DCLK1: variants seen among roughly 807,000 people sequenced by gnomAD.
The protein encoded by DCLK1 is doublecortin like kinase 1.
A neutral mutation model predicts 86.2 loss-of-function variants in DCLK1; 16 were observed. The ratio of observed to expected loss-of-function variants is 0.19; its 90% CI spans 0.13 to 0.28. The LOEUF is 0.28. Among genes scored for constraint, DCLK1 ranks in the 10% least tolerant of loss-of-function variants. The pLI is 1.00. For missense variants in DCLK1, 590 were observed against 940.2 expected, an observed-to-expected ratio of 0.63 and a Z score of 4.87; for synonymous variants, 369 against 370.5, an observed-to-expected ratio of 1.00 and a Z score of 0.05.
chr13:36,016,548 A>G (rs748799887), intron 3 of DCLK1, among the ~76,000 whole-genome samples: 4 of 152,134 alleles, frequency 2.6e-5, no homozygotes, highest in Non-Finnish European at 5.9e-5. Flanking sequence ...ATTACCAAAC[A>G]GTCACTTTCT....
intron 4 of DCLK1, among the ~76,000 whole-genome samples, chr13:35,937,481 G>C (rs977491850): frequency 6.6e-6 from 1 of 152,186 alleles, no homozygotes; most frequent in African/African-American, 2.4e-5. Flanking sequence ...TTGTCCTGCA[G>C]AGTAGGGGAC....
intron 3 of DCLK1, among the ~76,000 whole-genome samples, chr13:35,988,154 G>A (rs1347256593): frequency 6.6e-6 from 1 of 152,236 alleles, no homozygotes; most frequent in African/African-American, 2.4e-5. Context: ...CTGAGTGGCT[G>A]GAGTGCCACT....
intron 4 of DCLK1, among the ~76,000 whole-genome samples, chr13:35,912,026 C>T (rs1268285183): frequency 2.6e-5 from 4 of 152,116 alleles, no homozygotes; most frequent in African/African-American, 7.2e-5. Flanking sequence ...TACCTTCCTT[C>T]GGGGTGGCTG....
chr13:35,820,291 G>A (rs190054190), intron 11 of DCLK1, among the ~76,000 whole-genome samples: 7 of 152,186 alleles, frequency 4.6e-5, no homozygotes, highest in Admixed American at 2.6e-4. Context: ...ATAAAATCTC[G>A]TTAGTTTTTC....
intron 3 of DCLK1, among the ~76,000 whole-genome samples, chr13:36,043,236 G>T (rs961974775): frequency 6.6e-6 from 1 of 151,790 alleles, no homozygotes; most frequent in East Asian, 1.9e-4. Flanking sequence ...TTTCCTCAGA[G>T]AGTTAAGACA....
chr13:35,942,265 C>A (rs1877127464), intron 4 of DCLK1, among the ~76,000 whole-genome samples: 1 of 152,074 alleles, frequency 6.6e-6, no homozygotes, highest in South Asian at 2.1e-4. Context: ...CTCCCGGGTT[C>A]AAGTGATTCT....
chr13:35,800,605 C>T (rs1301147762), intron 15 of DCLK1, among the ~76,000 whole-genome samples: 1 of 152,226 alleles, frequency 6.6e-6, no homozygotes. Flanking sequence ...TTAGAGGAAG[C>T]TCCTGGATGA....
At chr13:35,997,680 T>C (rs1456811427) in intron 3 of DCLK1, among the ~76,000 whole-genome samples, 1 of 152,226 alleles carries the variant, frequency 6.6e-6, no homozygotes, top group Non-Finnish European at 1.5e-5. Context: ...AAACTTGCAA[T>C]GTAATAGTCT....
intron 4 of DCLK1, among the ~76,000 whole-genome samples, chr13:35,928,850 A>C (rs1200264396): frequency 6.6e-6 from 1 of 152,218 alleles, no homozygotes; most frequent in African/African-American, 2.4e-5. Flanking sequence ...ATATTGAGCT[A>C]TGCTAATTTT....
chr13:35,943,913 A>G (rs1877228086), intron 4 of DCLK1, among the ~76,000 whole-genome samples: 1 of 152,174 alleles, frequency 6.6e-6, no homozygotes, highest in African/African-American at 2.4e-5. Flanking sequence ...CAGCAAGGGA[A>G]GGATCTGCTG....
intron 3 of DCLK1, among the ~76,000 whole-genome samples, chr13:36,067,780 G>A (rs990336547): frequency 2.6e-5 from 4 of 152,008 alleles, no homozygotes; most frequent in African/African-American, 9.7e-5. Flanking sequence ...CTTCTTGGAG[G>A]TATTCCCTTC....
At position 35,944,821 on chromosome 13, in the gene DCLK1, G is replaced by GGT. The variant is rs1000194784; in HGVS notation, c.823+2535_823+2536dup. ...ACAAAAGATGGAGAAGGTGTCCTGG[G>GGT]GTGTGTGTGTGTGTGTTTGCATGTG... On this transcript the variant is annotated intron_variant, in intron 4 of 16. Coordinates refer to ENST00000360631, the MANE Select transcript of DCLK1 (RefSeq NM_001330071.2). Among the ~76,000 whole-genome samples the GGT allele has an allele frequency of 2.2e-4, 34 of 151,486 alleles. 1 individual carries two copies. The South Asian group carries it at 3.1e-3, about 14-fold the overall frequency.
rs529327636 is a variant in DCLK1 at position 35,874,579 on chromosome 13, C to T, written c.824-3239G>A. ...ACTTGGGCCACTGTCACTGTTCTGG[C>T]CTGCCCAGTGACCCTGCAAGATATT... is the stretch of plus-strand genomic sequence containing the variant. On this transcript the variant is annotated intron_variant, in intron 4 of 16. Transcript: ENST00000360631. Among the ~76,000 whole-genome samples, 11 of 152,224 alleles carry T rather than the reference C, an allele frequency of 7.2e-5. No homozygotes were observed. The East Asian group carries it at 2.1e-3, about 29-fold the overall frequency.
intron 3 of DCLK1, among the ~76,000 whole-genome samples, chr13:36,024,646 G>A (rs990767829): frequency 6.6e-6 from 1 of 152,088 alleles, no homozygotes; most frequent in Non-Finnish European, 1.5e-5. Flanking sequence ...CTGTTAGGAT[G>A]GCAATAACCC....
chr13:35,848,067 A>T (rs1870341234), intron 6 of DCLK1: 1 of 985,218 alleles, frequency 1.0e-6, no homozygotes. Flanking sequence ...ATCTAAGAAA[A>T]AAGTGAGTGC....
chr13:36,054,306 C>T (rs1883223183), intron 3 of DCLK1, among the ~76,000 whole-genome samples: 1 of 152,162 alleles, frequency 6.6e-6, no homozygotes, highest in African/African-American at 2.4e-5. Context: ...TGGGGAAAAC[C>T]AGTACAAACA....
intron 3 of DCLK1, among the ~76,000 whole-genome samples, chr13:36,012,343 C>T (rs1269929645): frequency 6.6e-6 from 1 of 151,854 alleles, no homozygotes; most frequent in East Asian, 1.9e-4. Context: ...TACATTTTGG[C>T]ATGATTTTGC....
At chr13:35,833,497 G>A (rs1163144618) in intron 8 of DCLK1, among the ~76,000 whole-genome samples, 4 of 152,144 alleles carry the variant, frequency 2.6e-5, no homozygotes, top group African/African-American at 7.2e-5. Context: ...TATGTCCCAG[G>A]TACCCCAGAG....
At chr13:35,958,284 G>GCTATAACCACCATCACCACCACTA in intron 3 of DCLK1, among the ~76,000 whole-genome samples, 1 of 7,372 alleles carries the variant, frequency 1.4e-4, no homozygotes, top group African/African-American at 5.4e-4. Flanking sequence ...CACCATCACT[G>GCTATAACCACCATCACCACCACTA]CCACTATAAC....
Sources: allele counts gnomAD v4.1 joint callset (sites outside exome capture counted in the v4.1 genomes callset), GRCh38; gene constraint gnomAD v4.1.1; transcripts MANE v1.5; gene names NCBI Gene and HGNC (gene_info 2026-07-23, HGNC 2026-07-21).